GRK5: variants seen among roughly 807,000 people sequenced by gnomAD.
GRK5 encodes the protein G protein-coupled receptor kinase 5.
In GRK5, 40 loss-of-function variants were observed where a neutral mutation model predicts 78.4. The ratio of observed to expected loss-of-function variants is 0.51; its 90% CI spans 0.40 to 0.66. The LOEUF is 0.66. Among genes scored for constraint, GRK5 ranks in the 30% least tolerant of loss-of-function variants. The pLI is 0.00. For missense variants in GRK5, 598 were observed against 759.9 expected (o/e 0.79, Z 2.50); for synonymous variants, 289 against 296.8 (o/e 0.97, Z 0.27).
chr10:119,266,795 G>A (rs745704897), intron 1 of GRK5, among the ~76,000 whole-genome samples: 1 of 149,882 alleles, frequency 6.7e-6, no homozygotes, highest in Non-Finnish European at 1.5e-5. Flanking sequence ...TTTTTATGGA[G>A]ACAGGGTCTT....
intron 4 of GRK5, among the ~76,000 whole-genome samples, chr10:119,417,681 G>T (rs748197088): frequency 6.6e-6 from 1 of 152,180 alleles, no homozygotes; most frequent in Non-Finnish European, 1.5e-5. Flanking sequence ...CAGAAGATGA[G>T]AGAGGCGACC....
chr10:119,322,938 G>A (rs1179330098), intron 1 of GRK5, among the ~76,000 whole-genome samples: 1 of 152,212 alleles, frequency 6.6e-6, no homozygotes, highest in Non-Finnish European at 1.5e-5. Flanking sequence ...TAAACAAAAA[G>A]TTGTATACCC....
chr10:119,231,776 A>C (rs1433733865), intron 1 of GRK5, among the ~76,000 whole-genome samples: 2 of 152,158 alleles, frequency 1.3e-5, no homozygotes, highest in Non-Finnish European at 2.9e-5. Flanking sequence ...CAAAACCACA[A>C]TGAGGTATTA....
At chr10:119,234,288 G>T (rs920904597) in intron 1 of GRK5, among the ~76,000 whole-genome samples, 3 of 152,214 alleles carry the variant, frequency 2.0e-5, no homozygotes, top group African/African-American at 7.2e-5. Flanking sequence ...AACCCAGCCC[G>T]TTGAGTCTGT....
chr10:119,270,378 T>C (rs149450771), intron 1 of GRK5, among the ~76,000 whole-genome samples: 16 of 152,388 alleles, frequency 1.0e-4, no homozygotes, highest in African/African-American at 3.6e-4. Flanking sequence ...TTCCTTGTCA[T>C]TATTCCCTAA....
intron 3 of GRK5, among the ~76,000 whole-genome samples, chr10:119,394,240 GTGT>G (rs1851958609): frequency 1.1e-5 from 1 of 89,756 alleles, no homozygotes; most frequent in Non-Finnish European, 2.4e-5. Context: ...GGGTGTGTGG[GTGT>G]CTGTGTGTGG....
chr10:119,397,307 G>T (rs758506330), intron 4 of GRK5, among the ~76,000 whole-genome samples: 1 of 152,208 alleles, frequency 6.6e-6, no homozygotes, highest in Non-Finnish European at 1.5e-5. Flanking sequence ...AAGCATCGGG[G>T]TACCATTGTC....
At chr10:119,256,032 A>T (rs1024128970) in intron 1 of GRK5, among the ~76,000 whole-genome samples, 7 of 151,988 alleles carry the variant, frequency 4.6e-5, no homozygotes, top group Admixed American at 6.5e-5. Flanking sequence ...TATTGCAACC[A>T]TTGTGTAAAA....
At chr10:119,401,126 C>T (rs956583408) in intron 4 of GRK5, among the ~76,000 whole-genome samples, 1 of 152,158 alleles carries the variant, frequency 6.6e-6, no homozygotes, top group Non-Finnish European at 1.5e-5. Flanking sequence ...TCCATGGGCC[C>T]GTCAGCTCTC....
At chr10:119,333,031 A>G (rs1386771382) in intron 2 of GRK5, 1 of 152,236 alleles carries the variant, frequency 6.6e-6, no homozygotes, top group Non-Finnish European at 1.5e-5. Context: ...TAGATGTTCT[A>G]TGTTAATTGC....
At chr10:119,321,857 C>A (rs1274838837) in intron 1 of GRK5, among the ~76,000 whole-genome samples, 1 of 152,162 alleles carries the variant, frequency 6.6e-6, no homozygotes, top group Non-Finnish European at 1.5e-5. Context: ...CTTACCTTTC[C>A]CACCGCCTCC....
chr10:119,368,803 G>A lies in GRK5; in HGVS notation c.149-12012G>A, dbSNP rs924953426. Among the ~76,000 whole-genome samples, 9 of 152,336 alleles carry A rather than the reference G, an allele frequency of 5.9e-5. No individual in the cohort carries two copies. The South Asian group carries it at 8.3e-4, about 14-fold the overall frequency. ...GGCAGCCTGGCCCAGCCTTGCCTCCGCCCAGGGACCTGAGCCCAGGGAGCC... is the reference window on the plus strand; with the variant it reads ...GGCAGCCTGGCCCAGCCTTGCCTCCACCCAGGGACCTGAGCCCAGGGAGCC... On this transcript the variant is annotated intron_variant, in intron 2 of 15. Transcript: ENST00000392870.
intron 1 of GRK5, among the ~76,000 whole-genome samples, chr10:119,305,546 T>A (rs1850260297): frequency 6.6e-6 from 1 of 152,174 alleles, no homozygotes; most frequent in Non-Finnish European, 1.5e-5. Flanking sequence ...AGACACTGAC[T>A]GAGGAGTGGT....
At chr10:119,295,420 A>G (rs1013480896) in intron 1 of GRK5, among the ~76,000 whole-genome samples, 1 of 152,150 alleles carries the variant, frequency 6.6e-6, no homozygotes, top group African/African-American at 2.4e-5. Context: ...GGTCCATTAA[A>G]GAAGTAAAAG....
chr10:119,399,477 C>A (rs537555377), intron 4 of GRK5, among the ~76,000 whole-genome samples: 1 of 152,296 alleles, frequency 6.6e-6, no homozygotes, highest in East Asian at 1.9e-4. Flanking sequence ...ATTGTCCTTG[C>A]CTTGGGACCC....
At chr10:119,296,632 T>G (rs922505083) in intron 1 of GRK5, among the ~76,000 whole-genome samples, 1 of 152,200 alleles carries the variant, frequency 6.6e-6, no homozygotes, top group African/African-American at 2.4e-5. Flanking sequence ...TAATTCTGGT[T>G]GCTGGTAGGA....
In GRK5 at chr10:119,452,678, C is replaced by G. The variant is rs1853312820; in HGVS notation, c.1412C>G (p.Ala471Gly). 1 of 1,613,982 alleles carries G rather than the reference C, an allele frequency of 6.2e-7. No individual in the cohort carries two copies. The highest frequency in any genetic ancestry group is 8.5e-7 in the Non-Finnish European group (1 of 1,180,052). The change falls in exon 14 of 16, where the codon GCT (alanine) becomes GGT (glycine). Residue 471 changes from alanine (A) to glycine (G), a missense_variant. Coordinates refer to ENST00000392870, the MANE Select transcript of GRK5 (RefSeq NM_005308.3). The surrounding 1 kb of genome is among the most constrained non-coding windows in gnomAD (Gnocchi z 4.4). ...LDPPFVPDPR[A>G]VYCKDVLDIE... ...GCCCTCTGCCCCTGGCAGCCCCGCG[C>G]TGTGTACTGTAAGGACGTGCTGGAC...
intron 1 of GRK5, among the ~76,000 whole-genome samples, chr10:119,263,893 A>C (rs986776561): frequency 1.3e-5 from 2 of 152,184 alleles, no homozygotes; most frequent in African/African-American, 4.8e-5. Flanking sequence ...GTGCCACTGC[A>C]CTCCAGCCTG....
At chr10:119,381,310 T>A (rs1343002231) in intron 3 of GRK5, among the ~76,000 whole-genome samples, 1 of 152,238 alleles carries the variant, frequency 6.6e-6, no homozygotes, top group Non-Finnish European at 1.5e-5. Context: ...AAAGCTTTTG[T>A]CTGTTTGTAC....
Sources: allele counts gnomAD v4.1 joint callset (sites outside exome capture counted in the v4.1 genomes callset), GRCh38; gene constraint gnomAD v4.1.1; non-coding constraint Gnocchi (gnomAD v3.1); transcripts MANE v1.5; gene names NCBI Gene and HGNC (gene_info 2026-07-23, HGNC 2026-07-21).